MMP17: variants seen among roughly 807,000 people sequenced by gnomAD.
The protein encoded by MMP17 is matrix metalloproteinase-17.
Under a neutral mutation model 49.1 loss-of-function variants are expected in MMP17, and 54 were observed. The ratio of observed to expected loss-of-function variants is 1.10; its 90% CI spans 0.88 to 1.38. MMP17 has a LOEUF of 1.38. Ranked by LOEUF, MMP17 falls within the 40% of genes most tolerant of loss-of-function variation. The pLI is 0.00. For missense variants in MMP17, 837 were observed against 853.7 expected (o/e 0.98, Z 0.24); for synonymous variants, 397 against 383.1 (o/e 1.04, Z -0.42).
Position 131,840,810 on chromosome 12 carries a change from G to A in MMP17, c.660G>A (p.Gly220=). The change falls in exon 4 of 10, where the codon GGG becomes GGA. Residue 220 remains glycine (G), a synonymous_variant. Coordinates refer to ENST00000360564, the MANE Select transcript of MMP17 (RefSeq NM_016155.7). ...TCCCCGGCCACCACCACACCGCCGG[G>A]GACACCCACTTTGACGATGACGAGG... ...AFFPGHHHTA[G]DTHFDDDEAW... 5.0e-6 allele frequency: 8 copies of A among 1,607,086 alleles called. No homozygotes were observed. Among genetic ancestry groups the A allele is most frequent in the Non-Finnish European group, 5.9e-6 (7 of 1,179,604 alleles).
Position 131,841,776 on chromosome 12 carries a change from A to G in MMP17, c.859A>G (p.Lys287Glu). The G allele has an allele frequency of 6.2e-7, 1 of 1,607,274 alleles. No homozygotes were observed. ...GCGCTACGGGCTCCCCTACGAGGAC[A>G]AGGTGCGCGTCTGGCAGCTGTACGG... ...PLRYGLPYED[K>E]VRVWQLYGVR... is the part of the protein sequence containing the mutation. The change falls in exon 5 of 10, where the codon AAG (lysine) becomes GAG (glutamate). Residue 287 changes from lysine to glutamate, a missense_variant. Transcript: ENST00000360564.
chr12:131,841,173 C>T (rs563416995), intron 4 of MMP17, among the ~76,000 whole-genome samples: 1 of 152,354 alleles, frequency 6.6e-6, no homozygotes, highest in African/African-American at 2.4e-5. Context: ...CCCGCTAAGT[C>T]CCGTTGTCTG....
intron 6 of MMP17, 157 bp downstream of exon 6, chr12:131,844,238 C>T (rs1053915096): frequency 2.2e-5 from 14 of 648,556 alleles, no homozygotes; most frequent in African/African-American, 3.8e-5. Flanking sequence ...TTCTTAAACC[C>T]CATCTAATAC....
intron 8 of MMP17, among the ~76,000 whole-genome samples, chr12:131,847,154 T>C (rs2136339983): frequency 6.7e-6 from 1 of 149,212 alleles, no homozygotes; most frequent in Non-Finnish European, 1.5e-5. Context: ...GGCTCACGCC[T>C]GCAATCCCAG....
At chr12:131,833,574 G>T (rs1374491934) in intron 1 of MMP17, among the ~76,000 whole-genome samples, 1 of 152,240 alleles carries the variant, frequency 6.6e-6, no homozygotes, top group Non-Finnish European at 1.5e-5. Flanking sequence ...GTCAGACGTG[G>T]TTGCTGGGAC....
intron 5 of MMP17, among the ~76,000 whole-genome samples, chr12:131,842,770 CAA>C (rs573817678): frequency 1.1e-4 from 15 of 132,998 alleles, no homozygotes; most frequent in Admixed American, 7.6e-5. Flanking sequence ...GAGACTGCCT[CAA>C]AAAAAAAAAA....
chr12:131,850,646 G>A (rs1320320657), intron 9 of MMP17, among the ~76,000 whole-genome samples: 2 of 152,170 alleles, frequency 1.3e-5, no homozygotes, highest in Admixed American at 1.3e-4. Flanking sequence ...AGCTTCCCAG[G>A]CCTGTGACCA....
chr12:131,839,844 A>G (rs1460953612), intron 3 of MMP17, among the ~76,000 whole-genome samples: 1 of 143,334 alleles, frequency 7.0e-6, no homozygotes, highest in Non-Finnish European at 1.5e-5. Context: ...GCTATTCGGG[A>G]GGCTGAGGCA....
chr12:131,831,483 TCGC>T (rs1400527670), intron 1 of MMP17, among the ~76,000 whole-genome samples: 16 of 152,056 alleles, frequency 1.1e-4, no homozygotes, highest in African/African-American at 3.6e-4. Flanking sequence ...GACCTTGTCA[TCGC>T]CCTGGCTGGG....
chr12:131,837,369 C>T (rs1188488154), intron 1 of MMP17, among the ~76,000 whole-genome samples: 2 of 152,232 alleles, frequency 1.3e-5, no homozygotes, highest in Non-Finnish European at 1.5e-5. Flanking sequence ...AAACGATCCT[C>T]CCGCCTCAGC....
intron 3 of MMP17, 169 bp from the exon 4 acceptor site, chr12:131,840,404 G>T: frequency 1.5e-6 from 1 of 655,972 alleles, no homozygotes; most frequent in Non-Finnish European, 2.5e-6. Context: ...GTGAACTACT[G>T]GAACCGCCGT....
At chr12:131,845,579 G>C in intron 8 of MMP17, 130 bp downstream of exon 8, 1 of 1,256,486 alleles carries the variant, frequency 8.0e-7, no homozygotes, top group Non-Finnish European at 1.1e-6. Flanking sequence ...AGAGCAGCTG[G>C]TTTGCTTGTG....
intron 4 of MMP17, among the ~76,000 whole-genome samples, chr12:131,841,337 A>G (rs1209843977): frequency 6.6e-6 from 1 of 152,184 alleles, no homozygotes; most frequent in Non-Finnish European, 1.5e-5. Flanking sequence ...GGCCCCATGT[A>G]ACCCAGGCCC....
In MMP17 at chr12:131,834,473, G is replaced by A. The variant is rs192027021; in HGVS notation, c.160-3722G>A. On this transcript the variant is annotated intron_variant, in intron 1 of 9. Transcript: ENST00000360564. ...AGGTAGCAGGTTCCCAGGATCAGAC[G>A]CCCCCCTGCCTGCGTGGGATCCACA... is the stretch of plus-strand genomic sequence containing the variant. Among the ~76,000 whole-genome samples the A allele has an allele frequency of 5.6e-3, 850 of 152,230 alleles. 7 individuals are homozygous for A. Among genetic ancestry groups the A allele is most frequent in the African/African-American group, 0.02 (815 of 41,526 alleles).
intron 6 of MMP17, 192 bp from the exon 7 acceptor site, chr12:131,844,926 G>GGTGGTCGCCGTATCATTAAAAAAACA: frequency 1.3e-5 from 8 of 601,210 alleles, no homozygotes; most frequent in South Asian, 3.8e-5. Flanking sequence ...CGTAGATCTC[G>GGTGGTCGCCGTATCATTAAAAAAACA]GCCCCCGCCC....
At chr12:131,849,402 T>C (rs1265403916) in intron 8 of MMP17, among the ~76,000 whole-genome samples, 1 of 152,214 alleles carries the variant, frequency 6.6e-6, no homozygotes, top group African/African-American at 2.4e-5. Context: ...GAGAATCGCT[T>C]GAACCCAGGG....
At position 131,845,138 on chromosome 12, in the gene MMP17, A is replaced by G. The variant is rs900980852; in HGVS notation, c.989A>G (p.His330Arg). The part of the protein sequence containing the change: ...SSAPPRKDVP[H>R]RCSTHFDAVA... ...TGCAGGCCCAGGAAGGACGTGCCCC[A>G]CAGATGCAGCACTCACTTTGACGCG... is the stretch of plus-strand genomic sequence containing the variant. The change falls in exon 7 of 10, where the codon CAC becomes CGC. Residue 330 changes from histidine (H) to arginine (R), a missense_variant. Transcript: ENST00000360564. 6.2e-7 allele frequency: 1 copy of G among 1,607,906 alleles called. No homozygotes were observed. The highest frequency in any genetic ancestry group is 1.4e-5 in the African/African-American group (1 of 72,830).
chr12:131,838,317 C>G lies in MMP17; in HGVS notation c.282C>G (p.Thr94=). 6.2e-7 allele frequency: 1 copy of G among 1,612,798 alleles called. No homozygotes were observed. Among genetic ancestry groups the G allele is most frequent in the Non-Finnish European group, 8.5e-7 (1 of 1,179,850 alleles). The change falls in exon 2 of 10, where the codon ACC becomes ACG. Residue 94 remains threonine, a synonymous_variant. Coordinates refer to ENST00000360564, the MANE Select transcript of MMP17 (RefSeq NM_016155.7). ...AMQQFGGLEA[T]GILDEATLAL... ...AGCAGTTTGGTGGCCTGGAGGCCAC[C>G]GGCATCCTGGGTCAGTTCTCCAGGG...
intron 1 of MMP17, among the ~76,000 whole-genome samples, chr12:131,834,620 G>A (rs187005649): frequency 1.2e-4 from 19 of 152,208 alleles, no homozygotes; most frequent in African/African-American, 4.3e-4. Flanking sequence ...GTGGGAGTGG[G>A]TCAGGGTAGA....
Sources: allele counts gnomAD v4.1 joint callset (sites outside exome capture counted in the v4.1 genomes callset), GRCh38; gene constraint gnomAD v4.1.1; transcripts MANE v1.5; gene names NCBI Gene and HGNC (gene_info 2026-07-23, HGNC 2026-07-21).